The following B4GALNT3 variants were observed in gnomAD, a reference collection of about 807,000 sequenced individuals.
B4GALNT3 encodes the protein beta-1,4-N-acetyl-galactosaminyltransferase 3, also known as beta-1,4-N-acetylgalactosaminyltransferase 3.
A neutral mutation model predicts 120.2 loss-of-function variants in B4GALNT3; 86 were observed. The observed-to-expected ratio is 0.72, with a 90% confidence interval of 0.60 to 0.86. B4GALNT3 has a LOEUF of 0.86. B4GALNT3 is among the 40% of genes least tolerant of loss of function. The pLI is 0.00. For synonymous variants in B4GALNT3, 518 were observed against 510.4 expected, an observed-to-expected ratio of 1.01 and a Z score of -0.20; for missense variants, 1,167 against 1,298.9, an observed-to-expected ratio of 0.90 and a Z score of 1.56.
intron 1 of B4GALNT3, among the ~76,000 whole-genome samples, chr12:481,902 A>G (rs926004939): frequency 6.6e-6 from 1 of 152,008 alleles, no homozygotes; most frequent in African/African-American, 2.4e-5. Context: ...TCCTCTTTCT[A>G]GGTGGCTTTG....
At chr12:467,203 C>T (rs1013238008) in intron 1 of B4GALNT3, among the ~76,000 whole-genome samples, 21 of 152,156 alleles carry the variant, frequency 1.4e-4, no homozygotes, top group Non-Finnish European at 2.4e-4. Context: ...AACTCCTGGG[C>T]TCAGTGACAG....
intron 1 of B4GALNT3, among the ~76,000 whole-genome samples, chr12:512,034 CCTTCT>C (rs1946577975): frequency 7.0e-6 from 1 of 143,762 alleles, no homozygotes; most frequent in East Asian, 2.1e-4. Context: ...CCACCTTCTA[CCTTCT>C]GCCTTCCACC....
chr12:478,283 TAAAA>T (rs10718025), intron 1 of B4GALNT3, among the ~76,000 whole-genome samples: 1 of 131,432 alleles, frequency 7.6e-6, no homozygotes, highest in Non-Finnish European at 1.6e-5. Flanking sequence ...TTAGAGGAGG[TAAAA>T]AAAAAAAAAA....
rs1305533449 is a variant in B4GALNT3 at position 492,676 on chromosome 12, A to G, written c.169+32131A>G. ...AGTCAAGTCAGTGTTGGAGGCAAAG[A>G]ACAAAGTCAGAAGACTGACACTACC... On this transcript the variant is annotated intron_variant, in intron 1 of 19. Transcript: ENST00000266383. Among the ~76,000 whole-genome samples the G allele has an allele frequency of 2.0e-5, 3 of 152,338 alleles. No homozygotes were observed. In the East Asian group the frequency reaches 5.8e-4, roughly 29 times the overall value.
At chr12:532,397 C>T (rs1306795551) in intron 1 of B4GALNT3, among the ~76,000 whole-genome samples, 1 of 152,214 alleles carries the variant, frequency 6.6e-6, no homozygotes, top group Non-Finnish European at 1.5e-5. Context: ...GAACTGCACA[C>T]TAGTTACAGG....
rs1947076391 is a variant in B4GALNT3 at position 551,020 on chromosome 12, G to A, written c.1096G>A (p.Gly366Arg). 1.9e-6 allele frequency: 3 copies of A among 1,610,980 alleles called. No homozygotes were observed. In the East Asian group the frequency reaches 6.7e-5, roughly 36 times the overall value. The change falls in exon 11 of 20, where the codon GGA (glycine) becomes AGA (arginine). Residue 366 changes from glycine (G) to arginine (R), a missense_variant. Gly to Arg is a moderately radical substitution (Grantham distance 125). Coordinates refer to ENST00000266383, the MANE Select transcript of B4GALNT3 (RefSeq NM_173593.4). ...TGGGCTTCCTCTGCAGCGCTACCAG[G>A]GACTCCGGTTTGTAAGTCTTGGGCC... ...VDGLPLQRYQ[G>R]LRFVHLSFVY...
intron 3 of B4GALNT3, chr12:543,278 C>A: frequency 8.8e-7 from 1 of 1,141,332 alleles, no homozygotes; most frequent in Non-Finnish European, 1.2e-6. Flanking sequence ...GTGAGAGGAG[C>A]ACCGGCCCCT....
chr12:532,120 C>G (rs764886561), intron 1 of B4GALNT3, among the ~76,000 whole-genome samples: 2 of 152,186 alleles, frequency 1.3e-5, no homozygotes, highest in Non-Finnish European at 2.9e-5. Flanking sequence ...TTAGATCTTT[C>G]TGACTCAGAA....
At chr12:531,047 C>T (rs555504778) in intron 1 of B4GALNT3, among the ~76,000 whole-genome samples, 1 of 152,256 alleles carries the variant, frequency 6.6e-6, no homozygotes, top group Non-Finnish European at 1.5e-5. Flanking sequence ...GTTCGCTTAC[C>T]AGAGGGTAAG....
intron 1 of B4GALNT3, among the ~76,000 whole-genome samples, chr12:513,011 C>T (rs1352468139): frequency 3.6e-5 from 5 of 140,148 alleles, no homozygotes; most frequent in South Asian, 2.5e-4. Context: ...TTCCACCTTC[C>T]GCCTTCCACC....
At chr12:495,357 G>A (rs1392836197) in intron 1 of B4GALNT3, among the ~76,000 whole-genome samples, 2 of 152,070 alleles carry the variant, frequency 1.3e-5, no homozygotes, top group African/African-American at 4.8e-5. Flanking sequence ...CTGAATTCTT[G>A]GGTCGTTCTT....
chr12:512,230 C>G (rs1946585912), intron 1 of B4GALNT3, among the ~76,000 whole-genome samples: 1 of 88,934 alleles, frequency 1.1e-5, no homozygotes, highest in Non-Finnish European at 2.2e-5. Context: ...CACCTTCTTC[C>G]ACCTTCCACC....
intron 1 of B4GALNT3, among the ~76,000 whole-genome samples, chr12:523,166 T>C (rs1381277332): frequency 1.3e-5 from 2 of 152,138 alleles, no homozygotes; most frequent in Non-Finnish European, 2.9e-5. Context: ...AATTTATCAA[T>C]GTCAGGGCCA....
intron 1 of B4GALNT3, among the ~76,000 whole-genome samples, chr12:500,674 A>G (rs888837939): frequency 2.0e-5 from 3 of 151,926 alleles, no homozygotes; most frequent in African/African-American, 7.3e-5. Context: ...GGGTGCCCCA[A>G]CCCGGGACCC....
At chr12:555,521 A>G (rs1947141788) in intron 14 of B4GALNT3, 2 of 365,810 alleles carry the variant, frequency 5.5e-6, no homozygotes, top group African/African-American at 2.1e-5. Context: ...CTTTTTGACT[A>G]TTACAAATAA....
At chr12:546,615 C>G (rs1445811030) in intron 6 of B4GALNT3, 31 bp from the exon 7 acceptor site, 3 of 1,543,796 alleles carry the variant, frequency 1.9e-6, no homozygotes, top group Non-Finnish European at 2.6e-6. Flanking sequence ...TTCTCTGTTC[C>G]TCCCTCCTCT....
intron 2 of B4GALNT3, 98 bp from the exon 3 acceptor site, chr12:536,118 CGA>C: frequency 1.1e-6 from 1 of 917,042 alleles, no homozygotes; most frequent in South Asian, 1.4e-5. Flanking sequence ...CAGCGTGCTC[CGA>C]GCCGACGCCT....
chr12:530,178 A>C lies in B4GALNT3; in HGVS notation c.170-4988A>C, dbSNP rs143361423. The stretch of plus-strand genomic sequence containing the variant: ...TACCTTGTAAAATGCCCTGTTGGGC[A>C]TTGGCAGAAGTTTGAGCGTTGCTAT... On this transcript the variant is annotated intron_variant, in intron 1 of 19. Coordinates refer to ENST00000266383, the MANE Select transcript of B4GALNT3 (RefSeq NM_173593.4). 1.6e-3 allele frequency among the ~76,000 whole-genome samples: 240 copies of C among 152,408 alleles called. 1 individual carries two copies. The highest frequency in any genetic ancestry group is 5.4e-3 in the African/African-American group (226 of 41,598).
At chr12:481,722 G>C (rs1946244942) in intron 1 of B4GALNT3, among the ~76,000 whole-genome samples, 1 of 152,138 alleles carries the variant, frequency 6.6e-6, no homozygotes, top group South Asian at 2.1e-4. Context: ...TGGATGGCTG[G>C]GGGGAGTCTC....
Sources: allele counts gnomAD v4.1 joint callset (sites outside exome capture counted in the v4.1 genomes callset), GRCh38; gene constraint gnomAD v4.1.1; transcripts MANE v1.5; gene names NCBI Gene and HGNC (gene_info 2026-07-23, HGNC 2026-07-21).